The following KLF13 variants were observed in gnomAD, a reference collection of about 807,000 sequenced individuals.
KLF13 encodes the protein KLF transcription factor 13, also known as Krueppel-like factor 13.
In KLF13, 8 loss-of-function variants were observed where a neutral mutation model predicts 16.7. That is an observed-to-expected ratio of 0.48 (90% CI 0.28 to 0.87). The LOEUF is 0.87. KLF13 is among the 40% of genes least tolerant of loss of function. The pLI is 0.10. For missense variants in KLF13, 447 were observed against 452.2 expected (o/e 0.99, Z 0.10); for synonymous variants, 245 against 208.4 (o/e 1.18, Z -1.51).
chr15:31,426,284 C>G (rs917427677), intron 1 of KLF13, among the ~76,000 whole-genome samples: 1 of 152,072 alleles, frequency 6.6e-6, no homozygotes, highest in Non-Finnish European at 1.5e-5. Flanking sequence ...AAATTTGATT[C>G]TTATATCATT....
intron 1 of KLF13, among the ~76,000 whole-genome samples, chr15:31,331,436 G>A (rs2038830525): frequency 6.6e-6 from 1 of 152,150 alleles, no homozygotes; most frequent in Non-Finnish European, 1.5e-5. Flanking sequence ...AGATTATTGC[G>A]ACCCCTCCCC....
Position 31,372,408 on chromosome 15 carries a change from A to T in KLF13, c.*109A>T. On this transcript the variant is annotated 3_prime_UTR_variant, in exon 2 of 2. Coordinates refer to ENST00000307145, the MANE Select transcript of KLF13 (RefSeq NM_015995.4). ...CTTGATGCAAAGTCCACGAAAAAAC[A>T]ATTTTTTTCACCTCAGGTGTCAAAG... The T allele has an allele frequency of 3.3e-6, 4 of 1,208,164 alleles. No homozygotes were observed. The highest frequency in any genetic ancestry group is 4.3e-6 in the Non-Finnish European group (4 of 929,134). 74.8% of individuals were successfully genotyped at this position (1,208,164 alleles called of 1,614,324 possible). A position where few individuals can be genotyped will look rare whatever the true frequency, so the allele number is the denominator to read the frequency against.
At chr15:31,391,347 G>GCTGGGTGTTACTGC, upstream of KLF13, among the ~76,000 whole-genome samples, 1 of 140,832 alleles carries the variant, frequency 7.1e-6, no homozygotes, top group African/African-American at 2.7e-5. Flanking sequence ...GGCTGTGCGG[G>GCTGGGTGTTACTGC]GCTGAGTGCG....
chr15:31,338,438 A>C lies in KLF13; in HGVS notation c.577+10649A>C, dbSNP rs1031570509. On this transcript the variant is annotated intron_variant, in intron 1 of 1. Transcript: ENST00000307145. ...ACAATCGTTCCACTGGAAGTAACCC[A>C]GTCTTGAGGCATCTGGCCAGGTGGT... is the stretch of plus-strand genomic sequence containing the variant. Among the ~76,000 whole-genome samples the C allele has an allele frequency of 4.6e-5, 7 of 152,344 alleles. No individual in the cohort carries two copies. In the East Asian group the frequency reaches 7.7e-4, roughly 17 times the overall value.
downstream of KLF13, among the ~76,000 whole-genome samples, chr15:31,405,253 G>A (rs1045695326): frequency 1.3e-5 from 2 of 152,184 alleles, no homozygotes; most frequent in African/African-American, 4.8e-5. Context: ...GGCAGCGATT[G>A]CAGTGAGCCG....
intron 2 of KLF13, among the ~76,000 whole-genome samples, chr15:31,399,593 C>T (rs71474660): frequency 0.14 from 21,723 of 152,242 alleles, 3,650 homozygotes; most frequent in African/African-American, 0.4. Context: ...AGGCCTGCCC[C>T]CTCTACTCCT....
chr15:31,372,366 A>G lies in KLF13; in HGVS notation c.*67A>G. ...GTCCCTGGCCTTTCCTTTTGTAATA[A>G]GAAAGAAGAGAGAGAACTTGATGCA... is the stretch of plus-strand genomic sequence containing the variant. On this transcript the variant is annotated 3_prime_UTR_variant, in exon 2 of 2. Coordinates refer to ENST00000307145, the MANE Select transcript of KLF13 (RefSeq NM_015995.4). 1 of 1,371,404 alleles carries G rather than the reference A, an allele frequency of 7.3e-7. No homozygotes were observed. Among genetic ancestry groups the G allele is most frequent in the East Asian group, 2.7e-5 (1 of 37,392 alleles). 85.0% of individuals were successfully genotyped at this position (1,371,404 alleles called of 1,614,324 possible). A position where few individuals can be genotyped will look rare whatever the true frequency, so the allele number is the denominator to read the frequency against.
At chr15:31,394,809 T>TC (rs1566834317) in intron 2 of KLF13, among the ~76,000 whole-genome samples, 1 of 152,288 alleles carries the variant, frequency 6.6e-6, no homozygotes, top group South Asian at 2.1e-4. Context: ...ACCCCGATAT[T>TC]CCCCCATTTT....
intron 1 of KLF13, among the ~76,000 whole-genome samples, chr15:31,362,640 G>A (rs1232178487): frequency 1.3e-5 from 2 of 152,226 alleles, no homozygotes; most frequent in Admixed American, 1.3e-4. Flanking sequence ...AATAGGAAAT[G>A]CATTTGTGTG....
Position 31,364,712 on chromosome 15 carries a change from C to T in KLF13, c.578-7298C>T, listed in dbSNP as rs543008160. On this transcript the variant is annotated intron_variant, in intron 1 of 1. Coordinates refer to ENST00000307145, the MANE Select transcript of KLF13 (RefSeq NM_015995.4). ...GTTCCAGCTGCGGCTCTAGCTCTGG[C>T]GCCAGCCAGCTGAATGACAGCTCAC... Among the ~76,000 whole-genome samples the T allele has an allele frequency of 6.6e-5, 10 of 152,362 alleles. No homozygotes were observed. In the South Asian group the frequency reaches 8.3e-4, roughly 13 times the overall value.
intron 1 of KLF13, among the ~76,000 whole-genome samples, chr15:31,384,189 A>G (rs1025101374): frequency 6.6e-6 from 1 of 152,256 alleles, no homozygotes; most frequent in African/African-American, 2.4e-5. Context: ...CTGTAATCCC[A>G]GCACTTTGGA....
chr15:31,379,583 C>A (rs935441406), downstream of KLF13, among the ~76,000 whole-genome samples: 2 of 152,220 alleles, frequency 1.3e-5, no homozygotes, highest in African/African-American at 4.8e-5. Context: ...CCTTCAGAGG[C>A]CCCCGGTAAT....
At chr15:31,395,289 T>C (rs1241512981) in intron 2 of KLF13, among the ~76,000 whole-genome samples, 1 of 152,170 alleles carries the variant, frequency 6.6e-6, no homozygotes, top group East Asian at 1.9e-4. Context: ...CCCTACTCAC[T>C]ATTATGGCTT....
At chr15:31,338,393 C>T (rs1360413469) in intron 1 of KLF13, among the ~76,000 whole-genome samples, 2 of 152,168 alleles carry the variant, frequency 1.3e-5, no homozygotes, top group African/African-American at 4.8e-5. Context: ...ACGTGGTCAG[C>T]CATGCAGCCA....
At position 31,327,650 on chromosome 15, in the gene KLF13, C is replaced by T. The variant is rs778840451; in HGVS notation, c.438C>T (p.Gly146=). ...EPGPAGSGEP[G]LRQRVRRGRS... ...GGCCCGCGGGGAGCGGCGAGCCCGGCCTCAGACAAAGGGTCCGGCGGGGCC... is the reference window on the plus strand; with the variant it reads ...GGCCCGCGGGGAGCGGCGAGCCCGGTCTCAGACAAAGGGTCCGGCGGGGCC... The change falls in exon 1 of 2, where the codon GGC becomes GGT. Residue 146 remains glycine, a synonymous_variant. Transcript: ENST00000307145. 20 of 1,463,090 alleles carry T rather than the reference C, an allele frequency of 1.4e-5. No individual in the cohort carries two copies. The highest frequency in any genetic ancestry group is 1.8e-5 in the Non-Finnish European group (20 of 1,098,504). The allele number at this position is 1,463,090 out of a possible 1,614,324, so 90.6% of individuals were successfully genotyped here.
At chr15:31,336,800 G>A (rs1404612051) in intron 1 of KLF13, among the ~76,000 whole-genome samples, 1 of 152,114 alleles carries the variant, frequency 6.6e-6, no homozygotes, top group Non-Finnish European at 1.5e-5. Context: ...AAAGGTTAAG[G>A]CTATTCACCT....
rs568713580 is a variant in KLF13, at chr15:31,349,588, G to C, written c.577+21799G>C. On this transcript the variant is annotated intron_variant, in intron 1 of 1. Transcript: ENST00000307145. ...TTGCCTCTGATACTTCACTGCCCTG[G>C]CTGCATGAGTGCAAGGGCAGTGCTG... Among the ~76,000 whole-genome samples the C allele has an allele frequency of 5.3e-5, 8 of 152,380 alleles. No homozygotes were observed. The East Asian group carries it at 1.3e-3, about 26-fold the overall frequency.
chr15:31,327,486 G>A lies in KLF13; in HGVS notation c.274G>A (p.Ala92Thr), dbSNP rs1223660038. 33 of 1,196,030 alleles carry A rather than the reference G, an allele frequency of 2.8e-5. No homozygotes were observed. The highest frequency in any genetic ancestry group is 3.2e-5 in the Non-Finnish European group (31 of 965,458). The allele number at this position is 1,196,030 out of a possible 1,614,324, so 74.1% of individuals were successfully genotyped here. A position where few individuals can be genotyped will look rare whatever the true frequency, so the allele number is the denominator to read the frequency against. ...ERREGAAARK[A>T]RTPCRLPPPA... Reference sequence around the variant, plus strand: ...CAGGGAGGGCGCCGCGGCCCGGAAGGCGAGGACCCCCTGCCGCCTGCCGCC... The same window carrying A: ...CAGGGAGGGCGCCGCGGCCCGGAAGACGAGGACCCCCTGCCGCCTGCCGCC... Residue 92 changes from alanine to threonine, a missense_variant, in exon 1 of 2, where the codon GCG (alanine) becomes ACG (threonine). By Grantham distance (58) the Ala-to-Thr change is moderately conservative (BLOSUM62 0). This residue lies in a region of KLF13 where 359 missense variants were observed against 282.8 expected (regional missense o/e 1.27). Transcript: ENST00000307145.
downstream of KLF13, among the ~76,000 whole-genome samples, chr15:31,378,156 G>A (rs534528156): frequency 1.3e-5 from 2 of 152,284 alleles, no homozygotes; most frequent in South Asian, 2.1e-4. Context: ...ATCCGAAAGA[G>A]CACGGAGGAG....
Sources: gnomAD v4.1 joint callset for allele counts (sites outside exome capture counted in the v4.1 genomes callset) on GRCh38, gnomAD v4.1.1 for gene constraint, gnomAD v4.1.1 regional missense constraint, MANE v1.5 for transcripts, NCBI Gene and HGNC (gene_info 2026-07-23, HGNC 2026-07-21) for gene names.